Variants in TBXAS1 observed in about 807,000 individuals in gnomAD.
TBXAS1 encodes the protein thromboxane A synthase 1.
In TBXAS1, 48 loss-of-function variants were observed where a neutral mutation model predicts 60.7. That is an observed-to-expected ratio of 0.79 (90% CI 0.63 to 1.01). The LOEUF (loss-of-function observed/expected upper bound fraction) is 1.01, where lower values mean the gene tolerates loss of function less well. Among genes scored for constraint, TBXAS1 ranks in the 50% least tolerant of loss-of-function variants. The probability of loss-of-function intolerance (pLI) is 0.00; values close to 1 mark genes in which losing one functional copy is unlikely to be tolerated. For missense variants in TBXAS1, 685 were observed against 686.3 expected (o/e 1.00, Z 0.02); for synonymous variants, 287 against 269.7 (o/e 1.06, Z -0.63).
intron 3 of TBXAS1, among the ~76,000 whole-genome samples, chr7:139,880,611 C>T (rs1299918975): frequency 6.6e-6 from 1 of 152,136 alleles, no homozygotes; most frequent in African/African-American, 2.4e-5. Context: ...TTGCTTTGTT[C>T]ATTAATGGTA....
At chr7:139,835,110 A>G (rs1402322647) in intron 1 of TBXAS1, among the ~76,000 whole-genome samples, 3 of 147,240 alleles carry the variant, frequency 2.0e-5, no homozygotes, top group Admixed American at 1.4e-4. Context: ...TCTGTCGCCC[A>G]GGCTGGAGTG....
chr7:139,847,289 C>T (rs1176181213), intron 1 of TBXAS1, among the ~76,000 whole-genome samples: 1 of 152,128 alleles, frequency 6.6e-6, no homozygotes, highest in Non-Finnish European at 1.5e-5. Flanking sequence ...CATTGGTTGA[C>T]ATTTGCCTTG....
intron 1 of TBXAS1, among the ~76,000 whole-genome samples, chr7:139,842,694 G>C (rs901440123): frequency 6.6e-6 from 1 of 152,232 alleles, no homozygotes; most frequent in Non-Finnish European, 1.5e-5. Flanking sequence ...TTAGCTGATA[G>C]GGGAGTTCCC....
At chr7:139,789,125 C>CATATATGTATACATATATAT (rs1797294378) in intron 4 of TBXAS1, 1 of 152,116 alleles carries the variant, frequency 6.6e-6, no homozygotes. Flanking sequence ...TTGTTTAGCA[C>CATATATGTATACATATATAT]CCCCACTAGA....
At chr7:139,864,253 A>G (rs117512128) in intron 1 of TBXAS1, among the ~76,000 whole-genome samples, 2,405 of 152,214 alleles carry the variant, frequency 0.016, 37 homozygotes, top group African/African-American at 0.035. Context: ...CATTAAAAAA[A>G]AAAAAAGGTG....
chr7:139,898,673 CTGATGCCCCGTT>C (rs1200458253), intron 3 of TBXAS1, among the ~76,000 whole-genome samples: 1 of 152,158 alleles, frequency 6.6e-6, no homozygotes, highest in Non-Finnish European at 1.5e-5. Context: ...CAGGGGCCTC[CTGATGCCCCGTT>C]GGGGCACTTC....
chr7:139,831,763 C>T (rs1317448459), intron 1 of TBXAS1, among the ~76,000 whole-genome samples: 1 of 152,178 alleles, frequency 6.6e-6, no homozygotes, highest in African/African-American at 2.4e-5. Context: ...GAAACTCCAT[C>T]TCTACTAAAA....
At position 139,975,852 on chromosome 7, in the gene TBXAS1, CT is replaced by C. The variant is rs886089495; in HGVS notation, c.1134+13620del. Among the ~76,000 whole-genome samples, 1 of 152,230 alleles carries C rather than the reference CT, an allele frequency of 6.6e-6. No individual in the cohort carries two copies. Among genetic ancestry groups the C allele is most frequent in the African/African-American group, 2.4e-5 (1 of 41,472 alleles). On this transcript the variant is annotated intron_variant, in intron 9 of 12. Coordinates refer to ENST00000448866, the MANE Select transcript of TBXAS1 (RefSeq NM_001061.7). This position sits in a 1 kb window ranked among gnomAD's most constrained non-coding sequence, Gnocchi z 4.4. Reference sequence around the variant, plus strand: ...GAAGAGTGCATGGGCAGCTTCTCCCCTGACATCCCTACCTCCCTGACGCTTA... The same window carrying C: ...GAAGAGTGCATGGGCAGCTTCTCCCCGACATCCCTACCTCCCTGACGCTTA...
At chr7:139,827,809 C>T (rs1269224293), upstream of TBXAS1, among the ~76,000 whole-genome samples, 1 of 152,170 alleles carries the variant, frequency 6.6e-6, no homozygotes, top group Non-Finnish European at 1.5e-5. Flanking sequence ...AGACAGGGCC[C>T]CAATCCCTTC....
chr7:139,966,640 A>G (rs1003602554), intron 9 of TBXAS1, among the ~76,000 whole-genome samples: 1 of 152,132 alleles, frequency 6.6e-6, no homozygotes, highest in African/African-American at 2.4e-5. Flanking sequence ...TTTTTCCCTT[A>G]AATGTGCTCT....
chr7:139,921,319 T>C (rs1241680343), intron 4 of TBXAS1, among the ~76,000 whole-genome samples: 1 of 152,224 alleles, frequency 6.6e-6, no homozygotes, highest in Non-Finnish European at 1.5e-5. Context: ...TTGAACTTCA[T>C]GTAAATGTAA....
At chr7:139,890,072 G>T (rs140130611) in intron 3 of TBXAS1, among the ~76,000 whole-genome samples, 1 of 152,188 alleles carries the variant, frequency 6.6e-6, no homozygotes, top group East Asian at 1.9e-4. Flanking sequence ...TGAGACCATC[G>T]TTTCCACTGA....
intron 3 of TBXAS1, among the ~76,000 whole-genome samples, chr7:139,892,696 A>G (rs1803729017): frequency 6.6e-6 from 1 of 152,256 alleles, no homozygotes; most frequent in South Asian, 2.1e-4. Flanking sequence ...AGGAGCTCTC[A>G]GAGCCCTCCC....
intron 4 of TBXAS1, among the ~76,000 whole-genome samples, chr7:139,935,934 A>C (rs970783338): frequency 6.6e-6 from 1 of 152,138 alleles, no homozygotes; most frequent in African/African-American, 2.4e-5. Context: ...AGTTGTCTCT[A>C]TGATGATGAC....
intron 1 of TBXAS1, among the ~76,000 whole-genome samples, chr7:139,854,662 T>C (rs1304491321): frequency 6.6e-6 from 1 of 152,002 alleles, no homozygotes; most frequent in Non-Finnish European, 1.5e-5. Context: ...GAAGGCAGAG[T>C]TGACAGAACT....
intron 4 of TBXAS1, among the ~76,000 whole-genome samples, chr7:139,817,921 G>T (rs1585549859): frequency 6.6e-6 from 1 of 152,174 alleles, no homozygotes; most frequent in East Asian, 1.9e-4. Context: ...TTCATAACCT[G>T]AAGAGCACCA....
rs981420168 is a variant in TBXAS1 at position 139,935,760 on chromosome 7, C to T, written c.334-431C>T. On this transcript the variant is annotated intron_variant, in intron 4 of 12. Transcript: ENST00000448866. ...AGACGAGTGAGTCTTCTGTCAACTT[C>T]GGGTCCAACCTAACCAATCCAGTCA... 4.6e-5 allele frequency among the ~76,000 whole-genome samples: 7 copies of T among 151,824 alleles called. No individual in the cohort carries two copies. In the South Asian group the frequency reaches 1.0e-3, roughly 22 times the overall value.
chr7:139,944,148 C>T (rs1055094573), intron 5 of TBXAS1, among the ~76,000 whole-genome samples: 2 of 152,200 alleles, frequency 1.3e-5, no homozygotes, highest in African/African-American at 4.8e-5. Flanking sequence ...GAGCTGGGGT[C>T]CTGCTTTGAG....
chr7:139,838,344 T>C (rs896200327), intron 1 of TBXAS1, among the ~76,000 whole-genome samples: 3 of 152,202 alleles, frequency 2.0e-5, no homozygotes, highest in African/African-American at 7.2e-5. Context: ...GCCTGGCACA[T>C]AGTTGGTGCC....
Sources: allele counts gnomAD v4.1 joint callset (sites outside exome capture counted in the v4.1 genomes callset), GRCh38; gene constraint gnomAD v4.1.1; non-coding constraint Gnocchi (gnomAD v3.1); transcripts MANE v1.5; gene names NCBI Gene and HGNC (gene_info 2026-07-23, HGNC 2026-07-21).